Variants in NPSR1 observed in about 807,000 individuals in gnomAD.
The protein encoded by NPSR1 is neuropeptide S receptor 1.
NPSR1 carries 48 observed loss-of-function variants against 46.9 expected under a neutral mutation model. That is an observed-to-expected ratio of 1.02 (90% CI 0.81 to 1.30). The LOEUF (loss-of-function observed/expected upper bound fraction) is 1.30. Among genes scored for constraint, NPSR1 ranks in the 50% most tolerant of loss-of-function variants. The probability of loss-of-function intolerance (pLI) is 0.00; values close to 1 mark genes in which losing one functional copy is unlikely to be tolerated. For missense variants in NPSR1, 450 were observed against 449.5 expected (o/e 1.00, Z -0.01); for synonymous variants, 176 against 168.1 (o/e 1.05, Z -0.36).
intron 2 of NPSR1, among the ~76,000 whole-genome samples, chr7:34,716,578 G>GA (rs1319833907): frequency 2.6e-5 from 4 of 152,198 alleles, no homozygotes; most frequent in African/African-American, 9.7e-5. Flanking sequence ...AGGTTAGTAT[G>GA]AAAATTACAG....
At chr7:34,872,028 G>A (rs1791467028) in intron 8 of NPSR1, among the ~76,000 whole-genome samples, 1 of 151,920 alleles carries the variant, frequency 6.6e-6, no homozygotes, top group South Asian at 2.1e-4. Context: ...CCCTGCCATT[G>A]CCCTAGTAGA....
At chr7:34,671,453 A>G (rs1393089443) in intron 1 of NPSR1, among the ~76,000 whole-genome samples, 1 of 152,166 alleles carries the variant, frequency 6.6e-6, no homozygotes, top group Non-Finnish European at 1.5e-5. Context: ...AAATAGGAAG[A>G]ATCTATTTAC....
chr7:34,663,606 G>C (rs546676270), intron 1 of NPSR1, among the ~76,000 whole-genome samples: 3 of 152,236 alleles, frequency 2.0e-5, no homozygotes, highest in Admixed American at 6.5e-5. Flanking sequence ...CTAACCCTTG[G>C]AGGGGGGCAA....
intron 6 of NPSR1, among the ~76,000 whole-genome samples, chr7:34,835,755 A>G (rs1790335640): frequency 3.9e-5 from 6 of 152,328 alleles, no homozygotes. Flanking sequence ...ACTGGAAATG[A>G]CAAAGAATGA....
chr7:34,688,930 C>T (rs1296282249), intron 2 of NPSR1, among the ~76,000 whole-genome samples: 4 of 152,198 alleles, frequency 2.6e-5, no homozygotes, highest in Non-Finnish European at 5.9e-5. Flanking sequence ...AGCACCAACT[C>T]TTCTAGATTA....
In NPSR1 at chr7:34,849,871, C is replaced by T. The variant is rs1424111545; in HGVS notation, c.*216C>T. On this transcript the variant is annotated 3_prime_UTR_variant, in exon 9 of 9. Transcript: ENST00000360581. ...ATTCATGCCAGCCAGGAAGGAAACG[C>T]CTTCCTTCCCCACCATTCCCAGCCC... is the stretch of plus-strand genomic sequence containing the variant. 4 of 1,316,812 alleles carry T rather than the reference C, an allele frequency of 3.0e-6. No individual in the cohort carries two copies. Among genetic ancestry groups the T allele is most frequent in the South Asian group, 3.5e-5 (2 of 56,902 alleles). The allele number at this position is 1,316,812 out of a possible 1,614,324, so 81.6% of individuals were successfully genotyped here.
intron 1 of NPSR1, among the ~76,000 whole-genome samples, chr7:34,675,766 G>C (rs1390739159): frequency 6.6e-6 from 1 of 152,228 alleles, no homozygotes; most frequent in Non-Finnish European, 1.5e-5. Flanking sequence ...TAAGTCTGCA[G>C]AAAACTGATG....
intron 2 of NPSR1, among the ~76,000 whole-genome samples, chr7:34,725,021 T>C (rs1235091939): frequency 6.6e-6 from 1 of 151,874 alleles, no homozygotes; most frequent in African/African-American, 2.4e-5. Flanking sequence ...GGATGATCCA[T>C]TTAATTTCTA....
chr7:34,870,661 T>G (rs1791429667), intron 8 of NPSR1, among the ~76,000 whole-genome samples: 1 of 151,710 alleles, frequency 6.6e-6, no homozygotes, highest in Admixed American at 6.5e-5. Flanking sequence ...GCCACAAGCA[T>G]GGGGATCCCT....
At chr7:34,835,092 T>C (rs1411726213) in intron 6 of NPSR1, among the ~76,000 whole-genome samples, 1 of 152,178 alleles carries the variant, frequency 6.6e-6, no homozygotes, top group Admixed American at 6.5e-5. Flanking sequence ...AAAACATTAC[T>C]GGACCTGACC....
chr7:34,732,278 C>T (rs531176367), intron 2 of NPSR1, among the ~76,000 whole-genome samples: 8 of 152,224 alleles, frequency 5.3e-5, no homozygotes, highest in Admixed American at 2.0e-4. Flanking sequence ...TCTCTGATCT[C>T]GCACTCTGGG....
chr7:34,840,527 G>C (rs1242434921), intron 6 of NPSR1, among the ~76,000 whole-genome samples: 4 of 152,186 alleles, frequency 2.6e-5, no homozygotes, highest in African/African-American at 9.7e-5. Context: ...TGGAGAGCAG[G>C]TATCCCCGGG....
At chr7:34,799,435 T>G (rs1328913876) in intron 3 of NPSR1, among the ~76,000 whole-genome samples, 1 of 151,928 alleles carries the variant, frequency 6.6e-6, no homozygotes, top group Non-Finnish European at 1.5e-5. Flanking sequence ...AAAACAATTT[T>G]CAACCCAGAA....
At chr7:34,744,197 C>T (rs1016046623) in intron 2 of NPSR1, among the ~76,000 whole-genome samples, 10 of 152,090 alleles carry the variant, frequency 6.6e-5, no homozygotes, top group Admixed American at 5.2e-4. Flanking sequence ...GTGAATTTAA[C>T]TAGTATTCAA....
At chr7:34,757,454 G>T (rs1785922647) in intron 2 of NPSR1, among the ~76,000 whole-genome samples, 1 of 152,194 alleles carries the variant, frequency 6.6e-6, no homozygotes. Context: ...GTGTCGGCCA[G>T]TGTTTGTTCC....
At chr7:34,857,988 C>T (rs1469826307) in intron 8 of NPSR1, among the ~76,000 whole-genome samples, 2 of 151,730 alleles carry the variant, frequency 1.3e-5, no homozygotes, top group East Asian at 3.8e-4. Flanking sequence ...AATTAAATCA[C>T]AATGATATAT....
intron 6 of NPSR1, among the ~76,000 whole-genome samples, chr7:34,844,033 G>T (rs561537246): frequency 1.3e-5 from 2 of 152,234 alleles, no homozygotes; most frequent in Non-Finnish European, 2.9e-5. Flanking sequence ...ACTTCACAAA[G>T]GTGGCATATG....
intron 3 of NPSR1, among the ~76,000 whole-genome samples, chr7:34,809,358 T>C (rs1267081882): frequency 6.6e-6 from 1 of 152,110 alleles, no homozygotes; most frequent in Non-Finnish European, 1.5e-5. Context: ...TAAACCTTTT[T>C]TCTAACTTTT....
At chr7:34,681,165 A>G (rs1792614219) in intron 1 of NPSR1, among the ~76,000 whole-genome samples, 1 of 152,108 alleles carries the variant, frequency 6.6e-6, no homozygotes, top group Non-Finnish European at 1.5e-5. Flanking sequence ...CCCTGCCTCC[A>G]TCCCCAGACC....
Sources: gnomAD v4.1 joint callset for allele counts (sites outside exome capture counted in the v4.1 genomes callset) on GRCh38, gnomAD v4.1.1 for gene constraint, MANE v1.5 for transcripts, NCBI Gene and HGNC (gene_info 2026-07-23, HGNC 2026-07-21) for gene names.